ENTPD1: variants seen among roughly 807,000 people sequenced by gnomAD.
ENTPD1 encodes ATP diphosphohydrolase.
ENTPD1 carries 33 observed loss-of-function variants against 57.0 expected under a neutral mutation model. The ratio of observed to expected loss-of-function variants is 0.58; its 90% confidence interval spans 0.44 to 0.77. The LOEUF (loss-of-function observed/expected upper bound fraction) is 0.77. Ranked by LOEUF, ENTPD1 falls within the 30% of genes least tolerant of loss-of-function variation. The pLI, the probability that ENTPD1 is intolerant of heterozygous loss-of-function variation, is 0.00. For missense variants in ENTPD1, 501 were observed against 603.4 expected, an observed-to-expected ratio of 0.83 and a Z score of 1.78; for synonymous variants, 202 against 218.8, an observed-to-expected ratio of 0.92 and a Z score of 0.68.
intron 1 of ENTPD1, among the ~76,000 whole-genome samples, chr10:95,794,106 G>A (rs1181412389): frequency 6.6e-6 from 1 of 152,060 alleles, no homozygotes; most frequent in African/African-American, 2.4e-5. Context: ...ATGTCCAATA[G>A]GTTCTAGTCA....
At chr10:95,706,952 A>T (rs573038816), upstream of ENTPD1, among the ~76,000 whole-genome samples, 24 of 152,262 alleles carry the variant, frequency 1.6e-4, no homozygotes, top group Admixed American at 1.4e-3. Context: ...GAGAGAAGAG[A>T]GGTCAGGCAG....
At chr10:95,786,973 A>G (rs1183744994) in intron 1 of ENTPD1, among the ~76,000 whole-genome samples, 1 of 152,158 alleles carries the variant, frequency 6.6e-6, no homozygotes, top group Non-Finnish European at 1.5e-5. Context: ...ATTACCATTA[A>G]TCCTCATTTT....
chr10:95,697,644 G>A, the ENTPD1 span, among the ~76,000 whole-genome samples: 52 of 152,260 alleles, frequency 3.4e-4, no homozygotes, highest in South Asian at 1.2e-3. Context: ...AAGTTAACAC[G>A]CTCAGCTTCC....
the ENTPD1 span, among the ~76,000 whole-genome samples, chr10:95,698,807 A>G: frequency 6.6e-6 from 1 of 152,252 alleles, no homozygotes; most frequent in African/African-American, 2.4e-5. Context: ...TATAAGCAAC[A>G]GAAAATGGAC....
In ENTPD1 at chr10:95,867,718, T is replaced by G. The variant is rs554919090; in HGVS notation, c.*1335T>G. ...TGCAAGAGTTACCTGTTGAGCAGGATTGACTGGTGATGTTTCATTCTGACC... is the reference window on the plus strand; with the variant it reads ...TGCAAGAGTTACCTGTTGAGCAGGAGTGACTGGTGATGTTTCATTCTGACC... On this transcript the variant is annotated 3_prime_UTR_variant, in exon 10 of 10. Coordinates refer to ENST00000371205, the MANE Select transcript of ENTPD1 (RefSeq NM_001776.6). 5.1e-6 allele frequency: 5 copies of G among 985,360 alleles called. No individual in the cohort carries two copies. Among genetic ancestry groups the G allele is most frequent in the African/African-American group, 1.7e-5 (1 of 57,246 alleles). 61.0% of individuals were successfully genotyped at this position (985,360 alleles called of 1,614,324 possible).
intron 1 of ENTPD1, among the ~76,000 whole-genome samples, chr10:95,733,041 A>C (rs1026370888): frequency 2.0e-5 from 3 of 152,164 alleles, no homozygotes; most frequent in African/African-American, 7.2e-5. Context: ...ACTAGGTGAG[A>C]ATTTACTCAC....
At chr10:95,741,440 T>C (rs558963357) in intron 1 of ENTPD1, among the ~76,000 whole-genome samples, 1 of 152,300 alleles carries the variant, frequency 6.6e-6, no homozygotes, top group South Asian at 2.1e-4. Context: ...TCATAAGAAG[T>C]ATAATAATAA....
chr10:95,727,655 T>G (rs1181256421), intron 1 of ENTPD1, among the ~76,000 whole-genome samples: 1 of 152,214 alleles, frequency 6.6e-6, no homozygotes, highest in Non-Finnish European at 1.5e-5. Context: ...AGAAATGATA[T>G]ATGCTTGCAT....
chr10:95,708,540 C>T (rs969500471), upstream of ENTPD1, among the ~76,000 whole-genome samples: 5 of 152,104 alleles, frequency 3.3e-5, no homozygotes, highest in African/African-American at 9.7e-5. Flanking sequence ...ATAGCTATTC[C>T]GGAGAAATCC....
At chr10:95,812,010 A>G (rs1340304961) in intron 1 of ENTPD1, among the ~76,000 whole-genome samples, 1 of 152,184 alleles carries the variant, frequency 6.6e-6, no homozygotes, top group African/African-American at 2.4e-5. Flanking sequence ...TTGCCTCCCC[A>G]TCAAAGAGGT....
chr10:95,861,915 GA>G (rs1388827443), intron 8 of ENTPD1, among the ~76,000 whole-genome samples: 1 of 151,940 alleles, frequency 6.6e-6, no homozygotes, highest in Admixed American at 6.6e-5. Context: ...AGAATGGCAT[GA>G]ACCCAGGAGG....
chr10:95,748,954 T>C (rs1328950824), intron 1 of ENTPD1, among the ~76,000 whole-genome samples: 5 of 152,106 alleles, frequency 3.3e-5, no homozygotes, highest in Admixed American at 6.6e-5. Flanking sequence ...CACAAACTGG[T>C]ATTAGGTTTA....
upstream of ENTPD1, chr10:95,756,083 C>G: frequency 6.6e-7 from 1 of 1,513,662 alleles, no homozygotes; most frequent in Non-Finnish European, 8.8e-7. Flanking sequence ...GAGGTTCCTT[C>G]CGAAACGGGG....
chr10:95,716,002 C>T (rs1173416967), intron 1 of ENTPD1, among the ~76,000 whole-genome samples: 2 of 152,108 alleles, frequency 1.3e-5, no homozygotes, highest in African/African-American at 4.8e-5. Flanking sequence ...GTAGCCGGGA[C>T]TACAGATGTG....
At chr10:95,716,084 TTA>T (rs2097971193) in intron 1 of ENTPD1, among the ~76,000 whole-genome samples, 1 of 152,228 alleles carries the variant, frequency 6.6e-6, no homozygotes, top group Non-Finnish European at 1.5e-5. Flanking sequence ...CATGCTGGTC[TTA>T]AAGTCTTGGT....
At chr10:95,706,267 C>T in the ENTPD1 span, among the ~76,000 whole-genome samples, 4 of 152,206 alleles carry the variant, frequency 2.6e-5, no homozygotes, top group African/African-American at 9.7e-5. Context: ...CAATTTTCTT[C>T]CTAGAAACCT....
intron 4 of ENTPD1, chr10:95,843,275 A>T (rs1366811549): frequency 6.6e-6 from 1 of 152,230 alleles, no homozygotes; most frequent in Non-Finnish European, 1.5e-5. Flanking sequence ...GACTTCATGG[A>T]GCTTGTGTTC....
At position 95,871,446 on chromosome 10, in the gene ENTPD1, T is replaced by C. The variant is rs1422325041; in HGVS notation, c.*5063T>C. 26 of 985,328 alleles carry C rather than the reference T, an allele frequency of 2.6e-5. No individual in the cohort carries two copies. Among genetic ancestry groups the C allele is most frequent in the Non-Finnish European group, 3.0e-5 (25 of 829,932 alleles). The allele number at this position is 985,328 out of a possible 1,614,324, so 61.0% of individuals were successfully genotyped here. On this transcript the variant is annotated 3_prime_UTR_variant, in exon 10 of 10. Transcript: ENST00000371205. ...AACTGGTAGATGTCCTAGGAAACCA[T>C]ACATCTATGTATTTTTCTTATTTTA...
At position 95,877,037 on chromosome 10, in the gene ENTPD1, T is replaced by C. The variant is rs534819599; in HGVS notation, c.*10654T>C. 6.6e-6 allele frequency among the ~76,000 whole-genome samples: 1 copy of C among 152,352 alleles called. No individual in the cohort carries two copies. Among genetic ancestry groups the C allele is most frequent in the East Asian group, 1.9e-4 (1 of 5,190 alleles). ...GACATTTTGCAGGCCCCCTTCATCCTGCAGGGAGAACCAGAACCACAGCAG... is the reference window on the plus strand; with the variant it reads ...GACATTTTGCAGGCCCCCTTCATCCCGCAGGGAGAACCAGAACCACAGCAG... On this transcript the variant is annotated 3_prime_UTR_variant, in exon 10 of 10. Transcript: ENST00000371205.
Sources: allele counts gnomAD v4.1 joint callset (sites outside exome capture counted in the v4.1 genomes callset), GRCh38; gene constraint gnomAD v4.1.1; transcripts MANE v1.5; gene names NCBI Gene and HGNC (gene_info 2026-07-23, HGNC 2026-07-21).